Variants in EFCAB13 observed in about 807,000 individuals in gnomAD.
The protein encoded by EFCAB13 is EF-hand calcium-binding domain-containing protein 13.
A neutral mutation model predicts 110.2 loss-of-function variants in EFCAB13; 91 were observed. The observed-to-expected ratio is 0.83, with a 90% CI of 0.70 to 0.98. The LOEUF (loss-of-function observed/expected upper bound fraction) is 0.98. Among genes scored for constraint, EFCAB13 ranks in the 50% least tolerant of loss-of-function variants. The pLI is 0.00. For missense variants in EFCAB13, 968 were observed against 1,119.4 expected (o/e 0.86, Z 1.93); for synonymous variants, 323 against 369.9 (o/e 0.87, Z 1.45).
chr17:47,362,627 T>G (rs186415460), intron 10 of EFCAB13, among the ~76,000 whole-genome samples: 7 of 152,328 alleles, frequency 4.6e-5, no homozygotes, highest in South Asian at 4.1e-4. Context: ...CCCTGTGGTG[T>G]TGTGCTTCAG....
intron 3 of EFCAB13, among the ~76,000 whole-genome samples, chr17:47,326,742 A>T (rs868459023): frequency 2.8e-4 from 42 of 152,322 alleles, no homozygotes; most frequent in Non-Finnish European, 2.9e-4. Context: ...ATTACGTAGG[A>T]TGGGTTACTG....
intron 10 of EFCAB13, among the ~76,000 whole-genome samples, chr17:47,364,803 G>A (rs533264372): frequency 5.1e-4 from 78 of 152,290 alleles, no homozygotes; most frequent in Non-Finnish European, 7.6e-4. Context: ...AACTCTTTTA[G>A]TGTGGTTTAC....
chr17:47,348,028 G>A, intron 9 of EFCAB13, 77 bp downstream of exon 9: 3 of 1,179,382 alleles, frequency 2.5e-6, no homozygotes, highest in Admixed American at 3.2e-5. Flanking sequence ...ACAAATGATA[G>A]GAAAGCTAAA....
intron 20 of EFCAB13, 40 bp from the exon 21 acceptor site, chr17:47,409,607 G>T (rs758851027): frequency 1.3e-6 from 2 of 1,497,738 alleles, no homozygotes; most frequent in Admixed American, 3.4e-5. Context: ...AGATCAGGAT[G>T]CCATTCCTCA....
At chr17:47,379,771 T>TA (rs2065636585) in intron 14 of EFCAB13, among the ~76,000 whole-genome samples, 1 of 44,484 alleles carries the variant, frequency 2.2e-5, no homozygotes. Context: ...TGATTAAATA[T>TA]TTTTTAGCAA....
intron 24 of EFCAB13, among the ~76,000 whole-genome samples, chr17:47,440,061 G>C (rs1905288125): frequency 6.6e-6 from 1 of 151,936 alleles, no homozygotes; most frequent in South Asian, 2.1e-4. Flanking sequence ...TTATTCTGTA[G>C]TTTTGTAGGC....
rs1206728402 is a variant in EFCAB13, at chr17:47,363,505, AG to A, written c.805+1985del. Among the ~76,000 whole-genome samples, 2 of 151,880 alleles carry A rather than the reference AG, an allele frequency of 1.3e-5. 1 individual carries two copies. The highest frequency in any genetic ancestry group is 4.8e-5 in the African/African-American group (2 of 41,298). On this transcript the variant is annotated intron_variant, in intron 10 of 24. Transcript: ENST00000331493. The stretch of plus-strand genomic sequence containing the variant: ...AGGGAGCTCACGTTCAAGTGTGGAA[AG>A]AGTCAAGTAAACCGAAAATTAAAAT...
chr17:47,374,711 G>GT lies in EFCAB13; in HGVS notation c.1119dup (p.Gly374TrpfsTer4). The stretch of plus-strand genomic sequence containing the variant: ...GCAAATAAGAAAATTTCTGGGTGGG[G>GT]TTGGCAGCAGTAATGTAGGAGTCCA... On this transcript the variant is annotated frameshift_variant, in exon 12 of 25. Coordinates refer to ENST00000331493, the MANE Select transcript of EFCAB13 (RefSeq NM_152347.5). LOFTEE classifies it high-confidence loss of function. The GT allele has an allele frequency of 6.2e-7, 1 of 1,613,796 alleles. No homozygotes were observed. The highest frequency in any genetic ancestry group is 8.5e-7 in the Non-Finnish European group (1 of 1,179,930).
chr17:47,345,074 T>C lies in EFCAB13; in HGVS notation c.493T>C (p.Tyr165His). Residue 165 changes from tyrosine to histidine, a missense_variant, in exon 8 of 25, where the codon TAT becomes CAT. Tyr to His is a moderately conservative substitution (Grantham distance 83). Coordinates refer to ENST00000331493, the MANE Select transcript of EFCAB13 (RefSeq NM_152347.5). ...ATTATATGATGAAGTAACCCATGGA[T>C]ATTTACACTCAAAAGAATTAAGTGG... Reference protein sequence around the residue: ...MTLYDEVTHGYLHSKELSALH... With the variant: ...MTLYDEVTHGHLHSKELSALH... 6.2e-7 allele frequency: 1 copy of C among 1,604,792 alleles called. No homozygotes were observed. The highest frequency in any genetic ancestry group is 8.5e-7 in the Non-Finnish European group (1 of 1,175,630).
chr17:47,325,923 AATATATAT>A (rs60735562), intron 2 of EFCAB13, among the ~76,000 whole-genome samples: 1,268 of 102,510 alleles, frequency 0.012, 23 homozygotes, highest in African/African-American at 0.033. Context: ...ATATAAACAA[AATATATAT>A]ATATATATAT....
chr17:47,379,045 G>A lies in EFCAB13; in HGVS notation c.1511-137G>A, dbSNP rs1047569803. The A allele has an allele frequency of 8.0e-6, 5 of 627,570 alleles. No homozygotes were observed. The Admixed American group carries it at 1.0e-4, about 13-fold the overall frequency. 38.9% of individuals were successfully genotyped at this position (627,570 alleles called of 1,614,324 possible). On this transcript the variant is annotated intron_variant, in intron 13 of 24. Transcript: ENST00000331493. ...ACTGACTTAATCTAGAAAGAATTAT[G>A]AGACATGATATGAAGGAGAAATAGG...
At chr17:47,343,532 C>G (rs534039022) in intron 6 of EFCAB13, among the ~76,000 whole-genome samples, 1 of 152,176 alleles carries the variant, frequency 6.6e-6, no homozygotes, top group East Asian at 1.9e-4. Flanking sequence ...AGTACCAATT[C>G]CTGTCAATCT....
intron 23 of EFCAB13, among the ~76,000 whole-genome samples, chr17:47,421,021 G>GA (rs1366165278): frequency 2.3e-5 from 1 of 44,152 alleles, no homozygotes; most frequent in African/African-American, 9.3e-5. Flanking sequence ...GGAGGGAGGT[G>GA]GGGGGGTCAG....
intron 11 of EFCAB13, among the ~76,000 whole-genome samples, chr17:47,371,529 C>A (rs1414040522): frequency 6.6e-6 from 1 of 152,040 alleles, no homozygotes; most frequent in African/African-American, 2.4e-5. Flanking sequence ...GGCTTTGTTG[C>A]TTTGTTGGGT....
chr17:47,333,489 G>A (rs915514187), intron 4 of EFCAB13, among the ~76,000 whole-genome samples: 3 of 152,050 alleles, frequency 2.0e-5, no homozygotes, highest in Admixed American at 6.6e-5. Flanking sequence ...TGCTTATAGA[G>A]TCTTATCCAA....
Position 47,391,453 on chromosome 17 carries a change from T to C in EFCAB13, c.1599T>C (p.Ile533=). 1 of 1,574,916 alleles carries C rather than the reference T, an allele frequency of 6.3e-7. No homozygotes were observed. Among genetic ancestry groups the C allele is most frequent in the Non-Finnish European group, 8.6e-7 (1 of 1,165,006 alleles). The change falls in exon 15 of 25, where the codon ATT becomes ATC. Residue 533 remains isoleucine (I), a synonymous_variant. Coordinates refer to ENST00000331493, the MANE Select transcript of EFCAB13 (RefSeq NM_152347.5). ...FPECNALPGV[I]KAIDKIKDKN... is the part of the protein sequence containing the mutation. ...TATTTTTAGCGTTGCCTGGTGTCAT[T>C]AAAGCCATTGATAAAATTAAAGATA...
chr17:47,327,561 G>A (rs1295376339), intron 3 of EFCAB13, among the ~76,000 whole-genome samples: 2 of 150,728 alleles, frequency 1.3e-5, no homozygotes, highest in African/African-American at 4.9e-5. Context: ...AGATTCAAGC[G>A]ATTCTGCCTC....
intron 11 of EFCAB13, among the ~76,000 whole-genome samples, 189 bp downstream of exon 11, chr17:47,370,697 A>G (rs1454027214): frequency 1.3e-5 from 2 of 149,246 alleles, no homozygotes; most frequent in East Asian, 3.9e-4. Context: ...AGAAATGTTT[A>G]TGCATATTCT....
At chr17:47,414,716 A>T in intron 22 of EFCAB13, 132 bp from the exon 23 acceptor site, 1 of 660,702 alleles carries the variant, frequency 1.5e-6, no homozygotes, top group East Asian at 2.9e-5. Context: ...CTATTGAAAT[A>T]GTTTCAATCA....
Sources: allele counts gnomAD v4.1 joint callset (sites outside exome capture counted in the v4.1 genomes callset), GRCh38; gene constraint gnomAD v4.1.1; transcripts MANE v1.5; gene names NCBI Gene and HGNC (gene_info 2026-07-23, HGNC 2026-07-21).